Variants in CRADD observed in about 807,000 individuals in gnomAD.
CRADD encodes the protein death domain-containing protein CRADD.
A neutral mutation model predicts 15.5 loss-of-function variants in CRADD; 9 were observed. The ratio of observed to expected loss-of-function variants is 0.58; its 90% CI spans 0.35 to 1.01. The LOEUF (loss-of-function observed/expected upper bound fraction) is 1.01, where lower values mean the gene tolerates loss of function less well. CRADD is among the 50% of genes least tolerant of loss of function. The pLI, the probability that CRADD is intolerant of heterozygous loss-of-function variation, is 0.02. For synonymous variants in CRADD, 118 were observed against 107.6 expected, an observed-to-expected ratio of 1.10 and a Z score of -0.60; for missense variants, 227 against 250.3, an observed-to-expected ratio of 0.91 and a Z score of 0.63.
chr12:93,771,987 G>A (rs913252775), intron 2 of CRADD, among the ~76,000 whole-genome samples: 2 of 152,234 alleles, frequency 1.3e-5, no homozygotes, highest in Admixed American at 1.3e-4. Flanking sequence ...TAGTGTAAGT[G>A]TGGCAAGTTG....
chr12:93,823,298 C>CAAAAA (rs66639212), intron 2 of CRADD, among the ~76,000 whole-genome samples: 12 of 139,808 alleles, frequency 8.6e-5, no homozygotes, highest in Non-Finnish European at 1.4e-4. Flanking sequence ...GTCTCAAAAA[C>CAAAAA]AAAAAAAAAA....
At chr12:93,784,036 A>C (rs571648987) in intron 2 of CRADD, among the ~76,000 whole-genome samples, 17 of 152,314 alleles carry the variant, frequency 1.1e-4, no homozygotes, top group African/African-American at 4.1e-4. Flanking sequence ...CACGGGGTTC[A>C]CATCCTCTGC....
Position 93,830,499 on chromosome 12 carries a change from AT to A in CRADD, c.299-19467del, listed in dbSNP as rs1438236936. ...TTTTAAAGGAAACTTTTAAAAGAAAATTTTGGTTAAACATATATAAAAACAG... is the reference window on the plus strand; with the variant it reads ...TTTTAAAGGAAACTTTTAAAAGAAAATTTGGTTAAACATATATAAAAACAG... On this transcript the variant is annotated intron_variant, in intron 2 of 2. Transcript: ENST00000332896. Among the ~76,000 whole-genome samples, 6 of 152,300 alleles carry A rather than the reference AT, an allele frequency of 3.9e-5. 1 individual carries two copies. The highest frequency in any genetic ancestry group is 1.4e-4 in the African/African-American group (6 of 41,574).
chr12:93,800,394 T>C (rs2131724), intron 2 of CRADD, among the ~76,000 whole-genome samples: 19,723 of 152,100 alleles, frequency 0.13, 1,654 homozygotes, highest in African/African-American at 0.22. Flanking sequence ...CCCACCTACA[T>C]TGGCAAGTGA....
intron 2 of CRADD, among the ~76,000 whole-genome samples, chr12:93,864,596 G>T (rs1958347889): frequency 6.6e-6 from 1 of 152,160 alleles, no homozygotes; most frequent in Non-Finnish European, 1.5e-5. Context: ...TAAAAGTGAG[G>T]GTCACTTGGC....
chr12:93,858,621 T>C (rs567407342), intron 2 of CRADD, among the ~76,000 whole-genome samples: 2 of 152,286 alleles, frequency 1.3e-5, no homozygotes, highest in East Asian at 3.9e-4. Flanking sequence ...GCCCGCTCTG[T>C]CTCTCACCCC....
chr12:93,862,409 C>A (rs528769123), intron 2 of CRADD, among the ~76,000 whole-genome samples: 1 of 152,176 alleles, frequency 6.6e-6, no homozygotes, highest in African/African-American at 2.4e-5. Flanking sequence ...AAAGAAAGTT[C>A]GCTGTAGGGA....
At chr12:93,755,433 A>G (rs899812682) in intron 2 of CRADD, among the ~76,000 whole-genome samples, 2 of 152,230 alleles carry the variant, frequency 1.3e-5, no homozygotes, top group Non-Finnish European at 2.9e-5. Flanking sequence ...CATATGCCCT[A>G]CATGACAGTG....
chr12:93,880,591 G>A (rs1197094583), intron 2 of CRADD, among the ~76,000 whole-genome samples: 1 of 152,168 alleles, frequency 6.6e-6, no homozygotes, highest in Non-Finnish European at 1.5e-5. Context: ...TGGTTTGGAA[G>A]TGCCACTTTT....
At chr12:93,880,163 A>G (rs972000856) in intron 2 of CRADD, among the ~76,000 whole-genome samples, 1 of 152,038 alleles carries the variant, frequency 6.6e-6, no homozygotes, top group African/African-American at 2.4e-5. Flanking sequence ...GCTCCCCTCA[A>G]CTGGCATTTT....
In CRADD at chr12:93,742,926, G is replaced by A. The variant is rs527658585; in HGVS notation, c.298+63854G>A. 1.5e-4 allele frequency among the ~76,000 whole-genome samples: 23 copies of A among 152,144 alleles called. No homozygotes were observed. In the South Asian group the frequency reaches 4.4e-3, roughly 29 times the overall value. On this transcript the variant is annotated intron_variant, in intron 2 of 2. Coordinates refer to ENST00000332896, the MANE Select transcript of CRADD (RefSeq NM_003805.5). ...GGCTGCCCTCCCATTCTCATCTTCCGCCCCAGACCAGAGGCTACACCAAAG... is the reference window on the plus strand; with the variant it reads ...GGCTGCCCTCCCATTCTCATCTTCCACCCCAGACCAGAGGCTACACCAAAG...
At chr12:93,766,314 G>A (rs1322049014) in intron 2 of CRADD, among the ~76,000 whole-genome samples, 2 of 152,124 alleles carry the variant, frequency 1.3e-5, no homozygotes, top group Non-Finnish European at 2.9e-5. Context: ...GGCCCTCCCT[G>A]CCCCATTGCA....
chr12:93,787,215 A>G (rs114722675), intron 2 of CRADD, among the ~76,000 whole-genome samples: 13 of 145,336 alleles, frequency 8.9e-5, no homozygotes, highest in African/African-American at 2.3e-4. Flanking sequence ...AGAGTTGTTC[A>G]TCACTAAGTC....
intron 2 of CRADD, among the ~76,000 whole-genome samples, chr12:93,869,900 A>G (rs1374740410): frequency 2.0e-5 from 3 of 152,200 alleles, no homozygotes; most frequent in Non-Finnish European, 4.4e-5. Flanking sequence ...AAATTTTCCA[A>G]ATTTGGAGAA....
intron 2 of CRADD, among the ~76,000 whole-genome samples, chr12:93,736,898 T>C (rs888164556): frequency 1.3e-5 from 2 of 152,234 alleles, no homozygotes; most frequent in African/African-American, 2.4e-5. Context: ...CATTATGTGA[T>C]ACAAAATATG....
intron 2 of CRADD, among the ~76,000 whole-genome samples, chr12:93,855,964 C>A (rs565887534): frequency 6.6e-6 from 1 of 152,212 alleles, no homozygotes; most frequent in African/African-American, 2.4e-5. Context: ...GGTGCCACCA[C>A]GCCCAGCTAA....
intron 2 of CRADD, among the ~76,000 whole-genome samples, chr12:93,769,639 A>G (rs1957061949): frequency 6.6e-6 from 1 of 152,180 alleles, no homozygotes; most frequent in South Asian, 2.1e-4. Context: ...GTTGTTCCTT[A>G]TCTTTGGCAA....
chr12:93,808,495 G>T (rs1957574711), intron 2 of CRADD, among the ~76,000 whole-genome samples: 2 of 152,036 alleles, frequency 1.3e-5, no homozygotes, highest in African/African-American at 4.8e-5. Flanking sequence ...GTGAGATTTG[G>T]GTAGGGACAC....
chr12:93,824,405 C>T lies in CRADD; in HGVS notation c.299-25565C>T, dbSNP rs1285098333. Among the ~76,000 whole-genome samples, 3 of 128,582 alleles carry T rather than the reference C, an allele frequency of 2.3e-5. No individual in the cohort carries two copies. The highest frequency in any genetic ancestry group is 5.0e-5 in the Non-Finnish European group (3 of 59,784). 84.4% of individuals were successfully genotyped at this position (128,582 alleles called of 152,430 possible). On this transcript the variant is annotated intron_variant, in intron 2 of 2. Transcript: ENST00000332896. The surrounding 1 kb of genome is among the most constrained non-coding windows in gnomAD (Gnocchi z 4.3). ...CTGTGCTCTTTGGAAAACACACACA[C>T]ACTCATACACACACATACACACACA...
Sources: allele counts gnomAD v4.1 joint callset (sites outside exome capture counted in the v4.1 genomes callset), GRCh38; gene constraint gnomAD v4.1.1; non-coding constraint Gnocchi (gnomAD v3.1); transcripts MANE v1.5; gene names NCBI Gene and HGNC (gene_info 2026-07-23, HGNC 2026-07-21).